The following MAPK10 variants were observed in gnomAD, a reference collection of about 807,000 sequenced individuals.
MAPK10 encodes the protein JNK3 alpha protein kinase.
MAPK10 carries 25 observed loss-of-function variants against 59.3 expected under a neutral mutation model. The observed-to-expected ratio is 0.42, with a 90% CI of 0.31 to 0.59. The LOEUF is 0.59. Among genes scored for constraint, MAPK10 ranks in the 20% least tolerant of loss-of-function variants. The pLI is 0.15. For synonymous variants in MAPK10, 190 were observed against 200.5 expected, an observed-to-expected ratio of 0.95 and a Z score of 0.44; for missense variants, 351 against 568.9, an observed-to-expected ratio of 0.62 and a Z score of 3.90.
chr4:86,388,958 T>C (rs1275678774), intron 1 of MAPK10, among the ~76,000 whole-genome samples: 4 of 152,208 alleles, frequency 2.6e-5, no homozygotes, highest in African/African-American at 9.6e-5. Context: ...TGTAATGTTT[T>C]TAATGCAAAA....
At chr4:86,174,482 G>A (rs1225803068) in intron 3 of MAPK10, among the ~76,000 whole-genome samples, 1 of 152,134 alleles carries the variant, frequency 6.6e-6, no homozygotes, top group Non-Finnish European at 1.5e-5. Flanking sequence ...GTGGTGGAAG[G>A]GAGTGCATCA....
intron 9 of MAPK10, chr4:86,098,297 A>T (rs954773874): frequency 1.2e-5 from 5 of 428,748 alleles, no homozygotes; most frequent in African/African-American, 1.0e-4. Flanking sequence ...TGCAGGCAAG[A>T]AAGTAATTTT....
intron 1 of MAPK10, among the ~76,000 whole-genome samples, chr4:86,440,899 C>G (rs1422800014): frequency 1.3e-5 from 2 of 152,048 alleles, no homozygotes; most frequent in African/African-American, 4.8e-5. Context: ...ATGTTTTTCT[C>G]TCTGTATTTT....
Position 86,301,255 on chromosome 4 carries a change from G to A in MAPK10, c.-7+53275C>T, listed in dbSNP as rs556936646. 1.1e-4 allele frequency among the ~76,000 whole-genome samples: 16 copies of A among 152,100 alleles called. No individual in the cohort carries two copies. In the South Asian group the frequency reaches 3.1e-3, roughly 30 times the overall value. On this transcript the variant is annotated intron_variant, in intron 2 of 13. Transcript: ENST00000641462. ...GGGCTGGTATTTGGCACAAGGAAAG[G>A]AACACTGGAAATGTTTTCCTAAAAT... is the stretch of plus-strand genomic sequence containing the variant.
chr4:86,238,114 T>C (rs879047501), intron 2 of MAPK10, among the ~76,000 whole-genome samples: 4 of 152,184 alleles, frequency 2.6e-5, no homozygotes, highest in Admixed American at 2.6e-4. Flanking sequence ...CCTTTCCCCA[T>C]TGCTTGTTTT....
In MAPK10 at chr4:86,017,968, A is replaced by T. The variant is rs974295429; in HGVS notation, c.1253-598T>A. ...GATCTCTTGACCTCATGATCCGCCCACCTCTGCCTCCCAAAGTGCTGGGAT... is the reference window on the plus strand; with the variant it reads ...GATCTCTTGACCTCATGATCCGCCCTCCTCTGCCTCCCAAAGTGCTGGGAT... On this transcript the variant is annotated intron_variant, in intron 13 of 13. Transcript: ENST00000641462. The surrounding 1 kb of genome is among the most constrained non-coding windows in gnomAD (Gnocchi z 4.4). Among the ~76,000 whole-genome samples, 15 of 151,952 alleles carry T rather than the reference A, an allele frequency of 9.9e-5. No individual in the cohort carries two copies. The highest frequency in any genetic ancestry group is 3.4e-4 in the African/African-American group (14 of 41,384).
chr4:86,344,019 AG>A (rs1726660437), intron 2 of MAPK10, among the ~76,000 whole-genome samples: 1 of 152,240 alleles, frequency 6.6e-6, no homozygotes, highest in Non-Finnish European at 1.5e-5. Context: ...AAAATTCTTT[AG>A]GTTTCTCATT....
At chr4:86,059,668 C>T (rs923590728) in intron 11 of MAPK10, among the ~76,000 whole-genome samples, 6 of 152,278 alleles carry the variant, frequency 3.9e-5, no homozygotes, top group African/African-American at 1.4e-4. Context: ...AAGCTCAGCA[C>T]TGGCCCTGTT....
chr4:86,319,230 A>G (rs539663976), intron 2 of MAPK10, among the ~76,000 whole-genome samples: 1 of 152,242 alleles, frequency 6.6e-6, no homozygotes, highest in East Asian at 1.9e-4. Flanking sequence ...TATGGGAAGT[A>G]GGCAGGCAAA....
intron 1 of MAPK10, among the ~76,000 whole-genome samples, chr4:86,474,099 T>G (rs1202372767): frequency 6.6e-6 from 1 of 152,240 alleles, no homozygotes; most frequent in Non-Finnish European, 1.5e-5. Flanking sequence ...GCAACTTGCT[T>G]TTTAAAGAAA....
At chr4:86,543,198 A>G (rs1025059373) in intron 1 of MAPK10, among the ~76,000 whole-genome samples, 4 of 152,186 alleles carry the variant, frequency 2.6e-5, no homozygotes, top group Non-Finnish European at 5.9e-5. Context: ...AAGTAGGTGC[A>G]TTGAGAAGAG....
At chr4:86,250,400 C>T (rs530789577) in intron 2 of MAPK10, among the ~76,000 whole-genome samples, 4 of 152,258 alleles carry the variant, frequency 2.6e-5, no homozygotes, top group East Asian at 3.9e-4. Flanking sequence ...TTTTAAACAA[C>T]ATTAACAGAA....
intron 1 of MAPK10, among the ~76,000 whole-genome samples, chr4:86,421,153 G>A (rs1363922864): frequency 6.6e-6 from 1 of 152,014 alleles, no homozygotes; most frequent in Non-Finnish European, 1.5e-5. Context: ...GTGTGCATGT[G>A]TTTACTTAAA....
chr4:86,590,507 G>T (rs1178338262), intron 1 of MAPK10, among the ~76,000 whole-genome samples: 2 of 152,078 alleles, frequency 1.3e-5, no homozygotes, highest in Non-Finnish European at 2.9e-5. Flanking sequence ...GGATAGGCTG[G>T]GTGTGGTGGG....
intron 2 of MAPK10, among the ~76,000 whole-genome samples, chr4:86,283,413 T>A (rs1446121245): frequency 6.6e-6 from 1 of 152,224 alleles, no homozygotes; most frequent in African/African-American, 2.4e-5. Context: ...GTTCTTTTAA[T>A]GTTAATTCAA....
At position 86,299,651 on chromosome 4, in the gene MAPK10, C is replaced by T. The variant is rs114298981; in HGVS notation, c.-7+54879G>A. Among the ~76,000 whole-genome samples, 1,520 of 152,194 alleles carry T rather than the reference C, an allele frequency of 1.0e-2. 15 individuals carry two copies. Among genetic ancestry groups the T allele is most frequent in the African/African-American group, 0.027 (1,121 of 41,532 alleles). ...CCTAGACATACTAAGATATTTTGTACATTTATTATCCAAATTTCCTTTCTC... is the reference window on the plus strand; with the variant it reads ...CCTAGACATACTAAGATATTTTGTATATTTATTATCCAAATTTCCTTTCTC... On this transcript the variant is annotated intron_variant, in intron 2 of 13. Coordinates refer to ENST00000641462, the MANE Select transcript of MAPK10 (RefSeq NM_138982.4).
At chr4:86,524,281 A>G (rs556043019) in intron 1 of MAPK10, among the ~76,000 whole-genome samples, 1 of 152,324 alleles carries the variant, frequency 6.6e-6, no homozygotes, top group East Asian at 1.9e-4. Flanking sequence ...AAATTGACCA[A>G]GATAATCCCT....
intron 2 of MAPK10, among the ~76,000 whole-genome samples, chr4:86,315,103 A>T (rs1432232810): frequency 6.6e-6 from 1 of 152,140 alleles, no homozygotes; most frequent in East Asian, 1.9e-4. Context: ...ATTTGAGAGG[A>T]TGGAACTGGA....
At chr4:86,362,170 T>C (rs1737104321), upstream of MAPK10, among the ~76,000 whole-genome samples, 2 of 152,018 alleles carry the variant, frequency 1.3e-5, no homozygotes, top group Non-Finnish European at 2.9e-5. Flanking sequence ...TTATTGTCAA[T>C]TACAAATAAA....
Sources: allele counts gnomAD v4.1 joint callset (sites outside exome capture counted in the v4.1 genomes callset), GRCh38; gene constraint gnomAD v4.1.1; non-coding constraint Gnocchi (gnomAD v3.1); transcripts MANE v1.5; gene names NCBI Gene and HGNC (gene_info 2026-07-23, HGNC 2026-07-21).